Variants in HTR1F observed in about 807,000 individuals in gnomAD.
HTR1F encodes 5-hydroxytryptamine (serotonin) receptor 1F, G protein-coupled.
HTR1F carries 17 observed loss-of-function variants against 24.0 expected under a neutral mutation model. That is an observed-to-expected ratio of 0.71 (90% CI 0.48 to 1.06). HTR1F has a LOEUF of 1.06. HTR1F is among the 50% of genes least tolerant of loss of function. The probability of loss-of-function intolerance (pLI) is 0.00; values close to 1 mark genes in which losing one functional copy is unlikely to be tolerated. For missense variants in HTR1F, 391 were observed against 427.8 expected, an observed-to-expected ratio of 0.91 and a Z score of 0.76; for synonymous variants, 186 against 156.8, an observed-to-expected ratio of 1.19 and a Z score of -1.39.
chr3:87,880,099 A>C (rs994169419), intron 2 of HTR1F, among the ~76,000 whole-genome samples: 2 of 152,184 alleles, frequency 1.3e-5, no homozygotes, highest in African/African-American at 2.4e-5. Flanking sequence ...GTGATTCGGT[A>C]TACAAAATTT....
rs538632877 is a variant in HTR1F, at chr3:87,864,194, AT to A, written c.-43+42076del. Among the ~76,000 whole-genome samples the A allele has an allele frequency of 3.6e-4, 54 of 151,878 alleles. 1 individual carries two copies. The South Asian group carries it at 0.011, about 31-fold the overall frequency. ...GAACTCCATCTGCTTCCTTAATTCC[AT>A]TTTTTCATGTAATTTAACATATTCA... On this transcript the variant is annotated intron_variant, in intron 2 of 2. Coordinates refer to ENST00000319595, the MANE Select transcript of HTR1F (RefSeq NM_001322209.2).
chr3:87,834,200 G>A (rs1704637950), intron 2 of HTR1F, among the ~76,000 whole-genome samples: 1 of 152,108 alleles, frequency 6.6e-6, no homozygotes, highest in Non-Finnish European at 1.5e-5. Flanking sequence ...CATGCAATGT[G>A]ATTGGATCTC....
At chr3:87,846,134 A>C (rs1238837096) in intron 2 of HTR1F, among the ~76,000 whole-genome samples, 1 of 151,928 alleles carries the variant, frequency 6.6e-6, no homozygotes, top group South Asian at 2.1e-4. Context: ...GTTATATAAA[A>C]CTATAAAAGT....
chr3:87,897,378 T>C (rs1234041837), intron 2 of HTR1F, among the ~76,000 whole-genome samples: 2 of 151,932 alleles, frequency 1.3e-5, no homozygotes, highest in African/African-American at 2.4e-5. Flanking sequence ...CTCATTTATA[T>C]GTGAAATCCA....
intron 2 of HTR1F, among the ~76,000 whole-genome samples, chr3:87,848,621 G>T (rs1705003448): frequency 6.6e-6 from 1 of 151,770 alleles, no homozygotes. Flanking sequence ...TAATCTAAAT[G>T]TTTAAAAATG....
intron 2 of HTR1F, among the ~76,000 whole-genome samples, chr3:87,889,638 C>T (rs751423319): frequency 6.6e-6 from 1 of 152,046 alleles, no homozygotes; most frequent in Non-Finnish European, 1.5e-5. Context: ...AAAACAAGGC[C>T]GTCTTGCCTG....
At chr3:87,820,105 T>C (rs1327530751) in intron 1 of HTR1F, among the ~76,000 whole-genome samples, 2 of 151,534 alleles carry the variant, frequency 1.3e-5, no homozygotes, top group Non-Finnish European at 2.9e-5. Context: ...TCCTAAAACA[T>C]GATGAGCAAA....
intron 1 of HTR1F, among the ~76,000 whole-genome samples, chr3:87,812,912 A>T (rs548069076): frequency 1.3e-5 from 2 of 151,196 alleles, no homozygotes; most frequent in African/African-American, 4.9e-5. Context: ...CAGAGTCAAG[A>T]AGTCAAGAAT....
intron 2 of HTR1F, among the ~76,000 whole-genome samples, chr3:87,885,874 G>A (rs1260100801): frequency 9.9e-5 from 15 of 152,088 alleles, no homozygotes; most frequent in African/African-American, 1.4e-4. Flanking sequence ...AAAAAGCCCA[G>A]GACCAGACGG....
intron 2 of HTR1F, among the ~76,000 whole-genome samples, chr3:87,906,265 C>T (rs1703665145): frequency 6.6e-6 from 1 of 151,940 alleles, no homozygotes; most frequent in Non-Finnish European, 1.5e-5. Flanking sequence ...AACTTGCCTG[C>T]CCTTCTTTAT....
chr3:87,842,056 G>A (rs116408901), intron 2 of HTR1F, among the ~76,000 whole-genome samples: 19 of 151,774 alleles, frequency 1.3e-4, no homozygotes, highest in Non-Finnish European at 2.4e-4. Context: ...GATTGGAAAA[G>A]AATTTCTTCA....
chr3:87,872,412 G>C (rs1214395982), intron 2 of HTR1F, among the ~76,000 whole-genome samples: 2 of 151,848 alleles, frequency 1.3e-5, no homozygotes, highest in Non-Finnish European at 2.9e-5. Context: ...ACTGAAGAAA[G>C]TAAATAATAG....
At chr3:87,808,957 A>T (rs1290070333) in intron 1 of HTR1F, among the ~76,000 whole-genome samples, 2 of 151,816 alleles carry the variant, frequency 1.3e-5, no homozygotes, top group African/African-American at 4.8e-5. Context: ...GTCTGAGAAA[A>T]TATTTTATGT....
At chr3:87,913,597 T>A (rs537775393) in intron 2 of HTR1F, among the ~76,000 whole-genome samples, 1 of 152,188 alleles carries the variant, frequency 6.6e-6, no homozygotes, top group East Asian at 1.9e-4. Flanking sequence ...CCCAAAGAAA[T>A]ATAAATTGTT....
At chr3:87,880,490 A>C (rs1201934440) in intron 2 of HTR1F, among the ~76,000 whole-genome samples, 2 of 152,190 alleles carry the variant, frequency 1.3e-5, no homozygotes, top group African/African-American at 4.8e-5. Context: ...ACCTGGTATA[A>C]AGGATTGTTT....
chr3:87,840,761 GA>G (rs1704785406), intron 2 of HTR1F, among the ~76,000 whole-genome samples: 1 of 151,820 alleles, frequency 6.6e-6, no homozygotes, highest in African/African-American at 2.4e-5. Flanking sequence ...AAAAACACAG[GA>G]AATTCTGTCA....
At chr3:87,845,876 G>A (rs534102948) in intron 2 of HTR1F, among the ~76,000 whole-genome samples, 1 of 151,858 alleles carries the variant, frequency 6.6e-6, no homozygotes, top group South Asian at 2.1e-4. Context: ...ATATTATTTT[G>A]GTGTTTTCAC....
intron 2 of HTR1F, among the ~76,000 whole-genome samples, chr3:87,985,514 C>G (rs1298083205): frequency 1.3e-5 from 2 of 152,246 alleles, no homozygotes; most frequent in East Asian, 1.9e-4. Flanking sequence ...CTTCAGTTAT[C>G]TTATCTATGA....
chr3:87,813,922 CT>C (rs200425930), intron 1 of HTR1F, among the ~76,000 whole-genome samples: 22 of 149,962 alleles, frequency 1.5e-4, no homozygotes, highest in South Asian at 2.1e-4. Flanking sequence ...AATTAAACCT[CT>C]TTTTTTTTTC....
Sources: allele counts gnomAD v4.1 joint callset (sites outside exome capture counted in the v4.1 genomes callset), GRCh38; gene constraint gnomAD v4.1.1; transcripts MANE v1.5; gene names NCBI Gene and HGNC (gene_info 2026-07-23, HGNC 2026-07-21).